BTBD7: variants seen among roughly 807,000 people sequenced by gnomAD.
BTBD7 encodes the protein BTB/POZ domain-containing protein 7.
BTBD7 carries 38 observed loss-of-function variants against 99.9 expected under a neutral mutation model. The ratio of observed to expected loss-of-function variants is 0.38; its 90% CI spans 0.29 to 0.50. The LOEUF is 0.50. Ranked by LOEUF, BTBD7 falls within the 20% of genes least tolerant of loss-of-function variation. The pLI is 0.93. For synonymous variants in BTBD7, 520 were observed against 511.4 expected (o/e 1.02, Z -0.23); for missense variants, 1,170 against 1,394.6 (o/e 0.84, Z 2.57).
chr14:93,314,801 A>G (rs2053180206), intron 1 of BTBD7, among the ~76,000 whole-genome samples: 1 of 152,220 alleles, frequency 6.6e-6, no homozygotes, highest in African/African-American at 2.4e-5. Flanking sequence ...GACATTATTC[A>G]TCTTTGCAAT....
At chr14:93,331,156 G>C (rs928867446) in intron 1 of BTBD7, among the ~76,000 whole-genome samples, 2 of 152,134 alleles carry the variant, frequency 1.3e-5, no homozygotes, top group East Asian at 3.9e-4. Flanking sequence ...GAATGAGACA[G>C]AGGCTCTCAT....
intron 4 of BTBD7, among the ~76,000 whole-genome samples, chr14:93,262,429 T>G (rs971851210): frequency 6.6e-6 from 1 of 152,082 alleles, no homozygotes; most frequent in African/African-American, 2.4e-5. Context: ...TTTGTACAAA[T>G]GGGGTCCCAC....
chr14:93,296,209 TCA>T (rs1018971415), intron 1 of BTBD7, 52 bp from the exon 2 acceptor site: 33 of 1,239,020 alleles, frequency 2.7e-5, no homozygotes, highest in Admixed American at 3.9e-5. Flanking sequence ...GTATCTCAGA[TCA>T]CAGTTTTTTT....
At chr14:93,309,884 A>G (rs2053118560) in intron 1 of BTBD7, among the ~76,000 whole-genome samples, 1 of 152,230 alleles carries the variant, frequency 6.6e-6, no homozygotes, top group African/African-American at 2.4e-5. Context: ...ATGAAAAAAT[A>G]TACAATAAAA....
chr14:93,248,525 C>T lies in BTBD7; in HGVS notation c.2072G>A (p.Arg691Gln), dbSNP rs146101449. Residue 691 changes from arginine (R) to glutamine (Q), a missense_variant, in exon 9 of 11, where the codon CGA becomes CAA. Coordinates refer to ENST00000334746, the MANE Select transcript of BTBD7 (RefSeq NM_001002860.4). ...TGCAAGACCAAACTCTCTTAGCACTCGAATCTGAATTTCATAGCTGACAGT... is the reference window on the plus strand; with the variant it reads ...TGCAAGACCAAACTCTCTTAGCACTTGAATCTGAATTTCATAGCTGACAGT... ...GATVSYEIQI[R>Q]VLREFGLADA... is the part of the protein sequence containing the mutation. The T allele has an allele frequency of 1.7e-5, 27 of 1,614,066 alleles. No homozygotes were observed. Among genetic ancestry groups the T allele is most frequent in the African/African-American group, 9.3e-5 (7 of 74,948 alleles).
chr14:93,279,267 CCT>C (rs1448981113), intron 3 of BTBD7, among the ~76,000 whole-genome samples: 3 of 152,142 alleles, frequency 2.0e-5, no homozygotes, highest in Non-Finnish European at 2.9e-5. Context: ...TCTTGCCATA[CCT>C]CTCTTTGCAA....
intron 3 of BTBD7, chr14:93,288,765 T>C (rs546273247): frequency 6.3e-7 from 1 of 1,589,984 alleles, no homozygotes; most frequent in Admixed American, 1.8e-5. Context: ...TGAGTGTAAT[T>C]TCACTGTGGA....
Position 93,279,470 on chromosome 14 carries a change from G to A in BTBD7, c.1162+14388C>T, listed in dbSNP as rs76881568. On this transcript the variant is annotated intron_variant, in intron 3 of 10. Coordinates refer to ENST00000334746, the MANE Select transcript of BTBD7 (RefSeq NM_001002860.4). ...GGTCTGGGGCTTCTCGTCCTCCTAG[G>A]TACTCCCCCAGCACCCAGTGTTCTA... Among the ~76,000 whole-genome samples, 688 of 152,138 alleles carry A rather than the reference G, an allele frequency of 4.5e-3. 3 individuals are homozygous for A. Among genetic ancestry groups the A allele is most frequent in the African/African-American group, 0.016 (654 of 41,488 alleles).
At chr14:93,327,892 A>G (rs1697289761) in intron 1 of BTBD7, among the ~76,000 whole-genome samples, 1 of 152,192 alleles carries the variant, frequency 6.6e-6, no homozygotes, top group African/African-American at 2.4e-5. Flanking sequence ...GATTCCACAC[A>G]CAAAAAAACT....
chr14:93,278,536 C>T (rs970448285), intron 3 of BTBD7, among the ~76,000 whole-genome samples: 1 of 152,212 alleles, frequency 6.6e-6, no homozygotes. Context: ...ATTCCCTCTT[C>T]CCCCTACCTG....
intron 3 of BTBD7, among the ~76,000 whole-genome samples, chr14:93,283,116 C>T (rs549391502): frequency 1.6e-3 from 238 of 152,306 alleles, no homozygotes; most frequent in African/African-American, 4.4e-3. Context: ...CTGGCTCTGT[C>T]GCCCAGGTTG....
chr14:93,280,849 C>CTTTT (rs564620800), intron 3 of BTBD7, among the ~76,000 whole-genome samples: 1 of 141,780 alleles, frequency 7.1e-6, no homozygotes, highest in Non-Finnish European at 1.5e-5. Flanking sequence ...AAAAAGGCAC[C>CTTTT]TTTTTTTTTT....
At position 93,332,978 on chromosome 14, in the gene BTBD7, C is replaced by T. The variant is rs1286406477; in HGVS notation, c.-265G>A. 3 of 616,850 alleles carry T rather than the reference C, an allele frequency of 4.9e-6. No individual in the cohort carries two copies. The highest frequency in any genetic ancestry group is 3.9e-5 in the African/African-American group (2 of 50,812). 38.2% of individuals were successfully genotyped at this position (616,850 alleles called of 1,614,324 possible). A position where few individuals can be genotyped will look rare whatever the true frequency, so the allele number is the denominator to read the frequency against. ...GCCCTCTCCTCTCCTGTCAGTGGCT[C>T]AGGCTCCGGGACTGCTCCAGGTTCC... On this transcript the variant is annotated 5_prime_UTR_variant, in exon 1 of 11. It removes the in-frame stop codon of an upstream open reading frame in the 5' UTR. Coordinates refer to ENST00000334746, the MANE Select transcript of BTBD7 (RefSeq NM_001002860.4).
intron 3 of BTBD7, among the ~76,000 whole-genome samples, chr14:93,292,877 G>A (rs1157576830): frequency 6.6e-6 from 1 of 152,020 alleles, no homozygotes; most frequent in Non-Finnish European, 1.5e-5. Context: ...CTATTGATAG[G>A]CTGACTTAAC....
chr14:93,332,921 C>G lies in BTBD7; in HGVS notation c.-208G>C, dbSNP rs992650482. On this transcript the variant is annotated 5_prime_UTR_variant, in exon 1 of 11. Coordinates refer to ENST00000334746, the MANE Select transcript of BTBD7 (RefSeq NM_001002860.4). Reference sequence around the variant, plus strand: ...GCCGTCCGCACCGGCGCCAGCACCCCCGGCCATCCTCCTCCCACCGCCGCC... The same window carrying G: ...GCCGTCCGCACCGGCGCCAGCACCCGCGGCCATCCTCCTCCCACCGCCGCC... The G allele has an allele frequency of 6.2e-5, 73 of 1,175,582 alleles. No homozygotes were observed. Among genetic ancestry groups the G allele is most frequent in the Non-Finnish European group, 8.0e-5 (71 of 884,324 alleles). 72.8% of individuals were successfully genotyped at this position (1,175,582 alleles called of 1,614,324 possible). A position where few individuals can be genotyped will look rare whatever the true frequency, so the allele number is the denominator to read the frequency against.
intron 3 of BTBD7, among the ~76,000 whole-genome samples, chr14:93,273,694 G>C (rs2052624006): frequency 6.6e-6 from 1 of 152,190 alleles, no homozygotes; most frequent in South Asian, 2.1e-4. Flanking sequence ...TTCATCTGGA[G>C]ACCCTGCAGG....
At position 93,293,941 on chromosome 14, in the gene BTBD7, C is replaced by G; in HGVS notation, c.1079G>C (p.Gly360Ala). 6.2e-7 allele frequency: 1 copy of G among 1,613,686 alleles called. No homozygotes were observed. Among genetic ancestry groups the G allele is most frequent in the South Asian group, 1.1e-5 (1 of 91,064 alleles). ...SLSEVQALVA[G>A]KPNMTRAEEA... Reference sequence around the variant, plus strand: ...TTCTGCCCTGGTCATGTTTGGCTTCCCTGCGACGAGAGCCTGAACTTCACT... The same window carrying G: ...TTCTGCCCTGGTCATGTTTGGCTTCGCTGCGACGAGAGCCTGAACTTCACT... The change falls in exon 3 of 11, where the codon GGG (glycine) becomes GCG (alanine). Residue 360 changes from glycine to alanine, a missense_variant. Transcript: ENST00000334746.
intron 8 of BTBD7, among the ~76,000 whole-genome samples, chr14:93,249,100 C>T (rs1027319475): frequency 2.6e-4 from 40 of 151,880 alleles, no homozygotes; most frequent in Middle Eastern, 3.4e-3. Flanking sequence ...ATGAACTAAA[C>T]CAGCAGTAAA....
At chr14:93,249,998 ATCC>A (rs2052353419) in intron 8 of BTBD7, among the ~76,000 whole-genome samples, 1 of 152,218 alleles carries the variant, frequency 6.6e-6, no homozygotes, top group Non-Finnish European at 1.5e-5. Flanking sequence ...GCTTCATTAA[ATCC>A]TCCTAATTCT....
Sources: allele counts gnomAD v4.1 joint callset (sites outside exome capture counted in the v4.1 genomes callset), GRCh38; gene constraint gnomAD v4.1.1; transcripts MANE v1.5; gene names NCBI Gene and HGNC (gene_info 2026-07-23, HGNC 2026-07-21).